Variants in DOCK3 observed in about 807,000 individuals in gnomAD.
DOCK3 encodes dedicator of cytokinesis 3.
DOCK3 carries 60 observed loss-of-function variants against 265.6 expected under a neutral mutation model. The ratio of observed to expected loss-of-function variants is 0.23; its 90% CI spans 0.18 to 0.28. The LOEUF (loss-of-function observed/expected upper bound fraction) is 0.28, where lower values mean the gene tolerates loss of function less well. Among genes scored for constraint, DOCK3 ranks in the 10% least tolerant of loss-of-function variants. DOCK3 has a pLI of 1.00. For synonymous variants in DOCK3, 881 were observed against 938.0 expected, an observed-to-expected ratio of 0.94 and a Z score of 1.11; for missense variants, 1,981 against 2,594.3, an observed-to-expected ratio of 0.76 and a Z score of 5.14.
At chr3:51,299,115 G>C (rs72936462) in intron 27 of DOCK3, among the ~76,000 whole-genome samples, 10,931 of 152,156 alleles carry the variant, frequency 0.072, 969 homozygotes, top group East Asian at 0.32. Flanking sequence ...TTGTCATTCT[G>C]ACTGGTGTGA....
intron 5 of DOCK3, among the ~76,000 whole-genome samples, chr3:50,958,810 C>G (rs2076801649): frequency 6.6e-6 from 1 of 152,088 alleles, no homozygotes; most frequent in Non-Finnish European, 1.5e-5. Context: ...TTAAAGAAAA[C>G]TTCAGTGAGC....
At chr3:51,257,962 A>G (rs1258439664) in intron 22 of DOCK3, among the ~76,000 whole-genome samples, 1 of 152,210 alleles carries the variant, frequency 6.6e-6, no homozygotes, top group African/African-American at 2.4e-5. Flanking sequence ...GAAGTCAGGT[A>G]CTCAGAGATG....
chr3:51,357,893 C>T, intron 45 of DOCK3, 52 bp downstream of exon 45: 1 of 1,613,118 alleles, frequency 6.2e-7, no homozygotes, highest in Non-Finnish European at 8.5e-7. Context: ...AAGCCATGCA[C>T]TACAAGATGA....
intron 5 of DOCK3, among the ~76,000 whole-genome samples, chr3:51,059,875 A>C (rs1226920999): frequency 6.6e-6 from 1 of 152,094 alleles, no homozygotes; most frequent in Non-Finnish European, 1.5e-5. Flanking sequence ...ATGTCTACTC[A>C]AGGATTTAAC....
At chr3:50,754,881 G>A (rs1296383721) in intron 1 of DOCK3, among the ~76,000 whole-genome samples, 1 of 152,092 alleles carries the variant, frequency 6.6e-6, no homozygotes, top group Non-Finnish European at 1.5e-5. Flanking sequence ...TGACAACATG[G>A]GAAATGTGTA....
At chr3:50,847,225 T>C (rs1442287750) in intron 3 of DOCK3, among the ~76,000 whole-genome samples, 1 of 152,218 alleles carries the variant, frequency 6.6e-6, no homozygotes, top group Non-Finnish European at 1.5e-5. Flanking sequence ...AATTTTGTTG[T>C]TTACCCAACA....
chr3:50,972,981 C>A (rs1575646874), intron 5 of DOCK3, among the ~76,000 whole-genome samples: 1 of 123,900 alleles, frequency 8.1e-6, no homozygotes, highest in South Asian at 2.7e-4. Flanking sequence ...TTCACTGAAT[C>A]TGTAGGTTTT....
intron 2 of DOCK3, among the ~76,000 whole-genome samples, chr3:50,816,827 G>T (rs1191682549): frequency 1.3e-5 from 2 of 149,874 alleles, no homozygotes; most frequent in Non-Finnish European, 3.0e-5. Context: ...TTTTGAGATG[G>T]GATCTCACCC....
chr3:51,058,248 C>T (rs1575917386), intron 5 of DOCK3, among the ~76,000 whole-genome samples: 1 of 152,182 alleles, frequency 6.6e-6, no homozygotes, highest in Admixed American at 6.5e-5. Context: ...GCTGCCATAT[C>T]TGTTGGTCAG....
At chr3:50,680,698 A>T in intron 1 of DOCK3, among the ~76,000 whole-genome samples, 2 of 149,252 alleles carry the variant, frequency 1.3e-5, no homozygotes, top group Non-Finnish European at 1.5e-5. Context: ...TTTTATAGAG[A>T]CTGGGTCTTG....
intron 4 of DOCK3, among the ~76,000 whole-genome samples, chr3:50,894,594 A>T (rs2048804251): frequency 6.6e-6 from 1 of 152,180 alleles, no homozygotes; most frequent in Non-Finnish European, 1.5e-5. Context: ...TAAAGATAGT[A>T]TATAAATAAT....
intron 1 of DOCK3, among the ~76,000 whole-genome samples, chr3:50,695,626 G>A (rs1334354044): frequency 2.0e-5 from 3 of 152,164 alleles, no homozygotes; most frequent in East Asian, 1.9e-4. Flanking sequence ...CTCAAAGAGC[G>A]CTAAGCACAA....
chr3:51,263,168 G>A (rs1209411144), intron 23 of DOCK3, among the ~76,000 whole-genome samples: 4 of 152,190 alleles, frequency 2.6e-5, no homozygotes, highest in African/African-American at 4.8e-5. Context: ...GGCAGCCAGA[G>A]AGAAAGGTCA....
chr3:51,099,150 A>G (rs889188229), intron 9 of DOCK3, among the ~76,000 whole-genome samples: 1 of 152,248 alleles, frequency 6.6e-6, no homozygotes, highest in Non-Finnish European at 1.5e-5. Context: ...TATATTTCAT[A>G]CTAGTGGTCA....
At chr3:51,314,573 A>G (rs903126968) in intron 31 of DOCK3, among the ~76,000 whole-genome samples, 3 of 152,214 alleles carry the variant, frequency 2.0e-5, no homozygotes, top group African/African-American at 7.2e-5. Context: ...AGAAACTCCA[A>G]GGAGAGTGCA....
intron 46 of DOCK3, 73 bp downstream of exon 46, chr3:51,358,150 C>T (rs1359230315): frequency 1.3e-5 from 20 of 1,486,886 alleles, no homozygotes; most frequent in Non-Finnish European, 1.9e-5. Context: ...CGCCACAAAC[C>T]AAAGGAAAAT....
chr3:51,107,052 A>G (rs2083309252), intron 9 of DOCK3, among the ~76,000 whole-genome samples: 1 of 152,254 alleles, frequency 6.6e-6, no homozygotes, highest in Admixed American at 6.5e-5. Flanking sequence ...GCTTGATATC[A>G]GTTTCCAGAG....
At chr3:50,686,526 T>G (rs1440632541) in intron 1 of DOCK3, among the ~76,000 whole-genome samples, 1 of 152,114 alleles carries the variant, frequency 6.6e-6, no homozygotes, top group African/African-American at 2.4e-5. Flanking sequence ...TCTTTTGTGG[T>G]TTGGAAGTAA....
At chr3:50,907,142 G>C (rs907307366) in intron 4 of DOCK3, among the ~76,000 whole-genome samples, 2 of 151,978 alleles carry the variant, frequency 1.3e-5, no homozygotes, top group Non-Finnish European at 1.5e-5. Context: ...AATTTCTGTT[G>C]TTTTACATTT....
Sources: gnomAD v4.1 joint callset for allele counts (sites outside exome capture counted in the v4.1 genomes callset) on GRCh38, gnomAD v4.1.1 for gene constraint, MANE v1.5 for transcripts, NCBI Gene and HGNC (gene_info 2026-07-23, HGNC 2026-07-21) for gene names.